Variants in NR1D1 observed in about 807,000 individuals in gnomAD.
The protein encoded by NR1D1 is nuclear receptor subfamily 1 group D member 1.
A neutral mutation model predicts 51.1 loss-of-function variants in NR1D1; 17 were observed. That is an observed-to-expected ratio of 0.33 (90% confidence interval 0.23 to 0.50). NR1D1 has a LOEUF of 0.50. NR1D1 is among the 20% of genes least tolerant of loss of function. The probability of loss-of-function intolerance (pLI) is 0.98; values close to 1 mark genes in which losing one functional copy is unlikely to be tolerated. For synonymous variants in NR1D1, 341 were observed against 333.4 expected (o/e 1.02, Z -0.25); for missense variants, 647 against 830.4 (o/e 0.78, Z 2.71).
At position 40,094,117 on chromosome 17, in the gene NR1D1, C is replaced by T. The variant is rs200417986; in HGVS notation, c.1440G>A (p.Leu480=). ...TLLKAGTFEV[L]MVRFASLFNV... is the part of the protein sequence containing the mutation. ...TGAACAACGAAGCAAAGCGCACCAT[C>T]AGCACCTAGGAGGGAAGGGGAACAG... Residue 480 remains leucine (L), a synonymous_variant, in exon 7 of 8, where the codon CTG becomes CTA. Transcript: ENST00000246672. The T allele has an allele frequency of 9.7e-5, 157 of 1,613,794 alleles. No individual in the cohort carries two copies. Among genetic ancestry groups the T allele is most frequent in the Non-Finnish European group, 1.2e-4 (145 of 1,180,014 alleles).
chr17:40,095,026 C>T lies in NR1D1; in HGVS notation c.1343G>A (p.Arg448Gln), dbSNP rs201324626. The T allele has an allele frequency of 9.3e-6, 15 of 1,614,040 alleles. No homozygotes were observed. The East Asian group carries it at 1.8e-4, about 19-fold the overall frequency. ...DFSMSFTPAV[R>Q]EVVEFAKHIP... The stretch of plus-strand genomic sequence containing the variant: ...GTGTTTGGCAAACTCTACCACCTCC[C>T]GCACAGCGGGCGTGAAGCTCATGGA... Residue 448 changes from arginine (R) to glutamine (Q), a missense_variant, in exon 6 of 8, where the codon CGG becomes CAG. Physicochemically the swap from Arg to Gln is conservative, Grantham distance 43. This residue lies in a region of NR1D1 where 155 missense variants were observed against 236.8 expected (regional missense o/e 0.65). Coordinates refer to ENST00000246672, the MANE Select transcript of NR1D1 (RefSeq NM_021724.5).
At chr17:40,096,235 T>TCAA (rs1987760542) in intron 4 of NR1D1, 148 bp from the exon 5 acceptor site, 1 of 1,348,678 alleles carries the variant, frequency 7.4e-7, no homozygotes, top group South Asian at 1.4e-5. Flanking sequence ...TCAAGGGGGT[T>TCAA]TCCCTAGGAG....
chr17:40,100,166 GC>G lies in NR1D1; in HGVS notation c.-73del. 9.8e-6 allele frequency: 12 copies of G among 1,219,200 alleles called. No individual in the cohort carries two copies. The highest frequency in any genetic ancestry group is 2.3e-5 in the East Asian group (1 of 43,110). The allele number at this position is 1,219,200 out of a possible 1,614,324, so 75.5% of individuals were successfully genotyped here. On this transcript the variant is annotated 5_prime_UTR_variant, in exon 1 of 8. It introduces an in-frame stop codon into an upstream open reading frame of the 5' UTR. Coordinates refer to ENST00000246672, the MANE Select transcript of NR1D1 (RefSeq NM_021724.5). ...ACTAGAGGTTGCGATCGCCGCTGTT[GC>G]CCCCTGGGCACTGGCTAAGGGCGGG...
Position 40,100,089 on chromosome 17 carries a change from C to T in NR1D1, c.6G>A (p.Thr2=). The T allele has an allele frequency of 6.2e-7, 1 of 1,611,238 alleles. No individual in the cohort carries two copies. Among genetic ancestry groups the T allele is most frequent in the South Asian group, 1.1e-5 (1 of 91,014 alleles). The change falls in exon 1 of 8, where the codon ACG becomes ACA. Residue 2 remains threonine, a synonymous_variant. Coordinates refer to ENST00000246672, the MANE Select transcript of NR1D1 (RefSeq NM_021724.5). M[T]TLDSNNNTGG... The stretch of plus-strand genomic sequence containing the variant: ...CTGTGTTGTTGTTGGAGTCCAGGGT[C>T]GTCATGTCTTCACCAGCTGAGAGCG...
rs550439466 is a variant in NR1D1, at chr17:40,099,123, C to A, written c.31+941G>T. ...GGCAGGGCGGGAGCTGGGCCCTCAGCCGGCCTCACGTCCCTGCTCCACGTG... is the reference window on the plus strand; with the variant it reads ...GGCAGGGCGGGAGCTGGGCCCTCAGACGGCCTCACGTCCCTGCTCCACGTG... On this transcript the variant is annotated intron_variant, in intron 1 of 7. Coordinates refer to ENST00000246672, the MANE Select transcript of NR1D1 (RefSeq NM_021724.5). Among the ~76,000 whole-genome samples the A allele has an allele frequency of 2.5e-3, 384 of 152,094 alleles. 1 individual carries two copies. The highest frequency in any genetic ancestry group is 4.1e-3 in the Non-Finnish European group (281 of 67,988).
rs1026543471 is a variant in NR1D1, at chr17:40,095,246, A to T, written c.1249-126T>A. On this transcript the variant is annotated intron_variant, in intron 5 of 7. Coordinates refer to ENST00000246672, the MANE Select transcript of NR1D1 (RefSeq NM_021724.5). The stretch of plus-strand genomic sequence containing the variant: ...TGTGGCCCTGAAGGATGGGTCTTTC[A>T]GATAAAGTAGCAATTAGGTGCCAGG... 1.0e-5 allele frequency: 12 copies of T among 1,163,978 alleles called. No individual in the cohort carries two copies. The African/African-American group carries it at 1.7e-4, about 17-fold the overall frequency. The allele number at this position is 1,163,978 out of a possible 1,614,324, so 72.1% of individuals were successfully genotyped here.
In NR1D1 at chr17:40,095,521, T is replaced by G. The variant is rs1327481480; in HGVS notation, c.1171A>C (p.Thr391Pro). The G allele has an allele frequency of 6.3e-7, 1 of 1,585,872 alleles. No individual in the cohort carries two copies. Among genetic ancestry groups the G allele is most frequent in the East Asian group, 2.2e-5 (1 of 44,520 alleles). Reference sequence around the variant, plus strand: ...CCTTCTGGGGCTGCATACACGTGGGTGGGGCATAGACGGTGCCCGTTGCTG... The same window carrying G: ...CCTTCTGGGGCTGCATACACGTGGGGGGGGCATAGACGGTGCCCGTTGCTG... ...SNSNGHRLCP[T>P]HVYAAPEGKA... The change falls in exon 5 of 8, where the codon ACC becomes CCC. Residue 391 changes from threonine to proline, a missense_variant. Thr to Pro is a conservative substitution (Grantham distance 38, BLOSUM62 -1). This residue lies in a region of NR1D1 where 185 missense variants were observed against 176.3 expected (regional missense o/e 1.05). Coordinates refer to ENST00000246672, the MANE Select transcript of NR1D1 (RefSeq NM_021724.5).
At chr17:40,094,549 G>A (rs770451548) in intron 6 of NR1D1, among the ~76,000 whole-genome samples, 1 of 152,240 alleles carries the variant, frequency 6.6e-6, no homozygotes, top group Non-Finnish European at 1.5e-5. Flanking sequence ...AAACCTTTCA[G>A]AGGTCCTGCC....
chr17:40,096,414 G>A (rs939346), intron 4 of NR1D1, 29 bp downstream of exon 4: 1,602,202 of 1,613,536 alleles, frequency 0.99, 795,476 homozygotes, highest in South Asian at 1. Flanking sequence ...GGCGGAAGAA[G>A]GGGGGAGGAT....
At position 40,096,498 on chromosome 17, in the gene NR1D1, G is replaced by A. The variant is rs1987765650; in HGVS notation, c.549C>T (p.Asn183=). The A allele has an allele frequency of 1.2e-6, 2 of 1,614,132 alleles. No homozygotes were observed. The highest frequency in any genetic ancestry group is 2.7e-5 in the African/African-American group (2 of 74,934). Residue 183 remains asparagine (N), a synonymous_variant, in exon 4 of 8, where the codon AAC becomes AAT. Coordinates refer to ENST00000246672, the MANE Select transcript of NR1D1 (RefSeq NM_021724.5). ...TCTTGAAGCGACATTGCTGGCAGCG[G>A]TTGCGATTGATGCGGACGATGGAGC... The part of the protein sequence containing the change: ...ENCSIVRINR[N]RCQQCRFKKC...
In NR1D1 at chr17:40,093,346, C is replaced by CT. The variant is rs753101650; in HGVS notation, c.1646-65dup. 1 of 1,612,692 alleles carries CT rather than the reference C, an allele frequency of 6.2e-7. No individual in the cohort carries two copies. The highest frequency in any genetic ancestry group is 1.7e-5 in the Admixed American group (1 of 60,020). On this transcript the variant is annotated intron_variant, in intron 7 of 7. Transcript: ENST00000246672. This position sits in a 1 kb window ranked among gnomAD's most constrained non-coding sequence, Gnocchi z 5.9. Reference sequence around the variant, plus strand: ...GCTCCTCTGAGGAGGAACCGGAGGTCTGCGAGGACCTGGCAGGCAATGCAG... The same window carrying CT: ...GCTCCTCTGAGGAGGAACCGGAGGTCTTGCGAGGACCTGGCAGGCAATGCAG...
In NR1D1 at chr17:40,092,819, C is replaced by T; in HGVS notation, c.*264G>A. ...CAGCTGTGAACTATTGGATTTGAGACAGGAACAGAACAAATCAGAGGGCCA... is the reference window on the plus strand; with the variant it reads ...CAGCTGTGAACTATTGGATTTGAGATAGGAACAGAACAAATCAGAGGGCCA... On this transcript the variant is annotated 3_prime_UTR_variant, in exon 8 of 8. Coordinates refer to ENST00000246672, the MANE Select transcript of NR1D1 (RefSeq NM_021724.5). The T allele has an allele frequency of 1.3e-6, 1 of 748,664 alleles. No homozygotes were observed. The highest frequency in any genetic ancestry group is 2.9e-5 in the East Asian group (1 of 34,636). The allele number at this position is 748,664 out of a possible 1,614,324, so 46.4% of individuals were successfully genotyped here.
chr17:40,098,301 T>C (rs2145104442), intron 1 of NR1D1, among the ~76,000 whole-genome samples: 1 of 152,312 alleles, frequency 6.6e-6, no homozygotes, highest in South Asian at 2.1e-4. Context: ...CCAGGACACA[T>C]GTGACCTAAC....
chr17:40,093,328 T>TGAG lies in NR1D1; in HGVS notation c.1646-49_1646-47dup, dbSNP rs1987661400. The TGAG allele has an allele frequency of 6.2e-7, 1 of 1,613,124 alleles. No homozygotes were observed. The highest frequency in any genetic ancestry group is 8.5e-7 in the Non-Finnish European group (1 of 1,180,010). ...GTGAGGCGGACTCCCCGAGCTCCTCTGAGGAGGAACCGGAGGTCTGCGAGG... is the reference window on the plus strand; with the variant it reads ...GTGAGGCGGACTCCCCGAGCTCCTCTGAGGAGGAGGAACCGGAGGTCTGCGAGG... On this transcript the variant is annotated intron_variant, in intron 7 of 7. Transcript: ENST00000246672. This position sits in a 1 kb window ranked among gnomAD's most constrained non-coding sequence, Gnocchi z 5.9.
At position 40,093,809 on chromosome 17, in the gene NR1D1, G is replaced by A; in HGVS notation, c.1645+103C>T. 2.0e-6 allele frequency: 2 copies of A among 1,000,660 alleles called. No individual in the cohort carries two copies. Among genetic ancestry groups the A allele is most frequent in the Non-Finnish European group, 3.0e-6 (2 of 658,318 alleles). 62.0% of individuals were successfully genotyped at this position (1,000,660 alleles called of 1,614,324 possible). A position where few individuals can be genotyped will look rare whatever the true frequency, so the allele number is the denominator to read the frequency against. ...TGTCTGAATCATGTCTGTATCCCCAGTGCCCGGTGCAGGGCCTGGCATAGA... is the reference window on the plus strand; with the variant it reads ...TGTCTGAATCATGTCTGTATCCCCAATGCCCGGTGCAGGGCCTGGCATAGA... On this transcript the variant is annotated intron_variant, in intron 7 of 7. Transcript: ENST00000246672. The surrounding 1 kb of genome is among the most constrained non-coding windows in gnomAD (Gnocchi z 5.9).
Position 40,095,511 on chromosome 17 carries a change from T to A in NR1D1, c.1181A>T (p.Tyr394Phe). Residue 394 changes from tyrosine (Y) to phenylalanine (F), a missense_variant, in exon 5 of 8, where the codon TAT becomes TTT. Around this residue, in one of 7 missense-constraint regions of NR1D1, gnomAD observed 185 missense variants for 176.3 expected, o/e 1.05. Transcript: ENST00000246672. ...NGHRLCPTHV[Y>F]AAPEGKAPAN... ...AGGTGCCTTGCCTTCTGGGGCTGCATACACGTGGGTGGGGCATAGACGGTG... is the reference window on the plus strand; with the variant it reads ...AGGTGCCTTGCCTTCTGGGGCTGCAAACACGTGGGTGGGGCATAGACGGTG... The A allele has an allele frequency of 6.4e-7, 1 of 1,574,342 alleles. No homozygotes were observed. Among genetic ancestry groups the A allele is most frequent in the Admixed American group, 1.8e-5 (1 of 54,448 alleles).
At chr17:40,096,832 C>T in intron 2 of NR1D1, 53 bp from the exon 3 acceptor site, 1 of 1,565,594 alleles carries the variant, frequency 6.4e-7, no homozygotes, top group East Asian at 2.2e-5. Flanking sequence ...TGAGTGGCCA[C>T]AGGTGTGGAG....
intron 2 of NR1D1, 36 bp downstream of exon 2, chr17:40,097,029 C>T (rs1173582660): frequency 1.3e-6 from 2 of 1,549,746 alleles, no homozygotes; most frequent in South Asian, 1.2e-5. Flanking sequence ...CCCTGGCCTG[C>T]TTCCCTTCCC....
chr17:40,093,783 G>A lies in NR1D1; in HGVS notation c.1645+129C>T. ...ATGAGTCTGTTTCCCAAGCTAGACT[G>A]TGTCTGAATCATGTCTGTATCCCCA... On this transcript the variant is annotated intron_variant, in intron 7 of 7. Coordinates refer to ENST00000246672, the MANE Select transcript of NR1D1 (RefSeq NM_021724.5). This position sits in a 1 kb window ranked among gnomAD's most constrained non-coding sequence, Gnocchi z 5.9. The A allele has an allele frequency of 1.3e-6, 1 of 785,870 alleles. No homozygotes were observed. The highest frequency in any genetic ancestry group is 2.1e-6 in the Non-Finnish European group (1 of 485,920). The allele number at this position is 785,870 out of a possible 1,614,324, so 48.7% of individuals were successfully genotyped here.
Sources: allele counts gnomAD v4.1 joint callset (sites outside exome capture counted in the v4.1 genomes callset), GRCh38; gene constraint gnomAD v4.1.1; regional missense constraint gnomAD v4.1.1; non-coding constraint Gnocchi (gnomAD v3.1); transcripts MANE v1.5; gene names NCBI Gene and HGNC (gene_info 2026-07-23, HGNC 2026-07-21).